GALNT14: variants seen among roughly 807,000 people sequenced by gnomAD.
GALNT14 encodes polypeptide N-acetylgalactosaminyltransferase 14, also known as UDP-GalNAc:polypeptide N-acetylgalactosaminyltransferase 14.
GALNT14 carries 60 observed loss-of-function variants against 77.5 expected under a neutral mutation model. The observed-to-expected ratio is 0.77, with a 90% CI of 0.63 to 0.96. The LOEUF (loss-of-function observed/expected upper bound fraction) is 0.96, where lower values mean the gene tolerates loss of function less well. Ranked by LOEUF, GALNT14 falls within the 40% of genes least tolerant of loss-of-function variation. The pLI, the probability that GALNT14 is intolerant of heterozygous loss-of-function variation, is 0.00. For synonymous variants in GALNT14, 280 were observed against 281.7 expected, an observed-to-expected ratio of 0.99 and a Z score of 0.06; for missense variants, 710 against 731.0, an observed-to-expected ratio of 0.97 and a Z score of 0.33.
intron 1 of GALNT14, among the ~76,000 whole-genome samples, chr2:31,027,031 C>G (rs942024274): frequency 6.6e-6 from 1 of 152,224 alleles, no homozygotes; most frequent in Non-Finnish European, 1.5e-5. Context: ...AGGTAAAATT[C>G]ACTGATGCAT....
chr2:30,978,647 G>A (rs933682542), intron 2 of GALNT14, among the ~76,000 whole-genome samples: 1 of 152,234 alleles, frequency 6.6e-6, no homozygotes, highest in South Asian at 2.1e-4. Context: ...GGATTCACTC[G>A]CTCACCGGCA....
At chr2:31,075,909 T>C (rs1484388911) in intron 1 of GALNT14, among the ~76,000 whole-genome samples, 2 of 152,172 alleles carry the variant, frequency 1.3e-5, no homozygotes, top group Non-Finnish European at 2.9e-5. Flanking sequence ...ACTCCGACAG[T>C]CCCAAGTCCC....
At chr2:30,965,417 G>A (rs922984939) in intron 3 of GALNT14, among the ~76,000 whole-genome samples, 1 of 150,812 alleles carries the variant, frequency 6.6e-6, no homozygotes, top group Non-Finnish European at 1.5e-5. Context: ...TGGCCTGAGG[G>A]AGGGAGAAGA....
At chr2:30,989,856 A>G (rs1669582299) in intron 2 of GALNT14, among the ~76,000 whole-genome samples, 1 of 151,770 alleles carries the variant, frequency 6.6e-6, no homozygotes, top group Admixed American at 6.6e-5. Flanking sequence ...AGTCAGCAGC[A>G]CAACCAGGAC....
At chr2:30,981,284 T>G (rs935868919) in intron 2 of GALNT14, among the ~76,000 whole-genome samples, 7 of 152,222 alleles carry the variant, frequency 4.6e-5, no homozygotes, top group Admixed American at 4.6e-4. Flanking sequence ...GTGATCCAGG[T>G]TTTAAAGGGA....
intron 1 of GALNT14, among the ~76,000 whole-genome samples, chr2:31,123,795 TC>T (rs1470720904): frequency 6.6e-6 from 1 of 152,136 alleles, no homozygotes; most frequent in Non-Finnish European, 1.5e-5. Context: ...CAAACTTGTA[TC>T]CCCATGTACC....
rs546973635 is a variant in GALNT14, at chr2:30,972,633, G to A, written c.300-6331C>T. Among the ~76,000 whole-genome samples the A allele has an allele frequency of 9.8e-5, 15 of 152,330 alleles. No homozygotes were observed. The South Asian group carries it at 1.9e-3, about 19-fold the overall frequency. On this transcript the variant is annotated intron_variant, in intron 2 of 14. Transcript: ENST00000349752. ...TGAACCAGGCCTGCTGGACTCCAGC[G>A]TCCTCGTCACATGTTGTAATACCTC...
rs1380645797 is a variant in GALNT14, at chr2:30,986,560, A to C, written c.299+6278T>G. Among the ~76,000 whole-genome samples the C allele has an allele frequency of 2.6e-5, 4 of 152,230 alleles. No individual in the cohort carries two copies. The East Asian group carries it at 5.8e-4, about 22-fold the overall frequency. ...GAACCGGTCAATGCTTTATGTATTG[A>C]AATGTAATTGTGGCTAATAGTTCTC... On this transcript the variant is annotated intron_variant, in intron 2 of 14. Transcript: ENST00000349752.
chr2:30,888,785 C>T, the GALNT14 span, among the ~76,000 whole-genome samples: 4 of 152,254 alleles, frequency 2.6e-5, no homozygotes, highest in Non-Finnish European at 5.9e-5. Flanking sequence ...TTGCAAAATT[C>T]TGGTGATGTC....
At chr2:31,077,908 T>C (rs1675900306) in intron 1 of GALNT14, among the ~76,000 whole-genome samples, 1 of 152,244 alleles carries the variant, frequency 6.6e-6, no homozygotes, top group South Asian at 2.1e-4. Flanking sequence ...AGATTTATCA[T>C]GTTGTGTCCA....
the GALNT14 span, among the ~76,000 whole-genome samples, chr2:30,889,868 T>C: frequency 6.6e-6 from 1 of 152,220 alleles, no homozygotes; most frequent in African/African-American, 2.4e-5. Context: ...ATGGCTTTCA[T>C]TAGAACAAAA....
chr2:30,897,097 C>T, the GALNT14 span, among the ~76,000 whole-genome samples: 1 of 152,196 alleles, frequency 6.6e-6, no homozygotes, highest in African/African-American at 2.4e-5. Flanking sequence ...TTCAAGGTCC[C>T]CTTCCCAGCT....
intron 1 of GALNT14, among the ~76,000 whole-genome samples, chr2:31,038,665 T>A (rs1672913815): frequency 6.6e-6 from 1 of 152,134 alleles, no homozygotes; most frequent in Non-Finnish European, 1.5e-5. Flanking sequence ...TTTTTAAGAC[T>A]ACTGCAGAGC....
intron 1 of GALNT14, among the ~76,000 whole-genome samples, chr2:31,134,832 G>A (rs957619642): frequency 2.6e-5 from 4 of 152,210 alleles, no homozygotes; most frequent in Admixed American, 2.6e-4. Context: ...GGCAGTTTCA[G>A]GAGGGATCCC....
intron 1 of GALNT14, among the ~76,000 whole-genome samples, chr2:31,082,280 G>A (rs1573320284): frequency 6.6e-6 from 1 of 152,232 alleles, no homozygotes; most frequent in Non-Finnish European, 1.5e-5. Context: ...AGGGGCCAAG[G>A]CAGCCTCAGG....
chr2:31,117,949 G>A (rs1256213261), intron 1 of GALNT14, among the ~76,000 whole-genome samples: 8 of 152,276 alleles, frequency 5.3e-5, no homozygotes, highest in Admixed American at 3.3e-4. Flanking sequence ...ATGGCAGATC[G>A]TGCATGGGAG....
rs898326713 is a variant in GALNT14, at chr2:30,933,003, C to T, written c.932-809G>A. Among the ~76,000 whole-genome samples the T allele has an allele frequency of 3.3e-4, 50 of 152,218 alleles. 1 individual carries two copies. Among genetic ancestry groups the T allele is most frequent in the Admixed American group, 3.0e-3 (46 of 15,290 alleles). Reference sequence around the variant, plus strand: ...GTGGGTGGGATGGAGTTAGCAGAGGCGGCTGTGGTGAGTGTATTTCTCCCC... The same window carrying T: ...GTGGGTGGGATGGAGTTAGCAGAGGTGGCTGTGGTGAGTGTATTTCTCCCC... On this transcript the variant is annotated intron_variant, in intron 9 of 14. Transcript: ENST00000349752.
chr2:31,094,107 C>T (rs1397446177), intron 1 of GALNT14, among the ~76,000 whole-genome samples: 1 of 152,256 alleles, frequency 6.6e-6, no homozygotes. Flanking sequence ...ATAGCCTTAA[C>T]TGATGACATT....
intron 1 of GALNT14, among the ~76,000 whole-genome samples, chr2:31,115,863 A>T (rs1678080403): frequency 6.6e-6 from 1 of 152,198 alleles, no homozygotes; most frequent in Non-Finnish European, 1.5e-5. Context: ...TTTAAAATAA[A>T]AAAAATTAAT....
Sources: gnomAD v4.1 joint callset for allele counts (sites outside exome capture counted in the v4.1 genomes callset) on GRCh38, gnomAD v4.1.1 for gene constraint, MANE v1.5 for transcripts, NCBI Gene and HGNC (gene_info 2026-07-23, HGNC 2026-07-21) for gene names.